The following ZSWIM9 variants were observed in gnomAD, a reference collection of about 807,000 sequenced individuals.
ZSWIM9 encodes uncharacterized protein ZSWIM9.
ZSWIM9 carries 11 observed loss-of-function variants against 25.0 expected under a neutral mutation model. The observed-to-expected ratio is 0.44, with a 90% CI of 0.28 to 0.73. ZSWIM9 has a LOEUF of 0.73. ZSWIM9 is among the 30% of genes least tolerant of loss of function. The pLI, the probability that ZSWIM9 is intolerant of heterozygous loss-of-function variation, is 0.16. For missense variants in ZSWIM9, 1,070 were observed against 1,296.5 expected (o/e 0.83, Z 2.68); for synonymous variants, 562 against 582.1 (o/e 0.97, Z 0.50).
intron 3 of ZSWIM9, among the ~76,000 whole-genome samples, chr19:48,187,993 C>T (rs907527859): frequency 4.2e-4 from 63 of 150,288 alleles, no homozygotes; most frequent in African/African-American, 1.5e-3. Context: ...GATAGACAGA[C>T]AGACAGCAAG....
At chr19:48,192,607 A>G (rs1461843690) in intron 3 of ZSWIM9, among the ~76,000 whole-genome samples, 1 of 149,134 alleles carries the variant, frequency 6.7e-6, no homozygotes, top group Admixed American at 6.8e-5. Context: ...TTTGTTTCCA[A>G]TCATTCCTAA....
intron 3 of ZSWIM9, among the ~76,000 whole-genome samples, chr19:48,186,918 T>C (rs1336163506): frequency 6.6e-6 from 1 of 152,086 alleles, no homozygotes; most frequent in East Asian, 1.9e-4. Context: ...GTCTACAGAA[T>C]AAACCCCCAG....
intron 3 of ZSWIM9, among the ~76,000 whole-genome samples, chr19:48,184,103 T>C (rs1240928296): frequency 2.0e-5 from 3 of 151,960 alleles, no homozygotes; most frequent in Non-Finnish European, 2.9e-5. Flanking sequence ...TGTAATGTGA[T>C]GGAGCGATAA....
Position 48,174,584 on chromosome 19 carries a change from G to A in ZSWIM9, c.275+2507G>A, listed in dbSNP as rs540538294. 4 of 152,296 alleles carry A rather than the reference G, an allele frequency of 2.6e-5. No individual in the cohort carries two copies. The East Asian group carries it at 7.7e-4, about 29-fold the overall frequency. The allele number at this position is 152,296 out of a possible 1,614,324, so 9.4% of individuals were successfully genotyped here. A position where few individuals can be genotyped will look rare whatever the true frequency, so the allele number is the denominator to read the frequency against. On this transcript the variant is annotated intron_variant, in intron 2 of 3. Coordinates refer to ENST00000614654, the MANE Select transcript of ZSWIM9 (RefSeq NM_199341.4). ...ATCTCATAGGTAAATTATTCAGAAA[G>A]GCATCCAGCACAGAGTAAGCACACT...
chr19:48,187,464 T>TA (rs1568579436), intron 3 of ZSWIM9, among the ~76,000 whole-genome samples: 4 of 36,722 alleles, frequency 1.1e-4, no homozygotes, highest in Non-Finnish European at 2.2e-4. Context: ...ATATTAATTA[T>TA]ATATATTATA....
chr19:48,194,616 C>A lies in ZSWIM9; in HGVS notation c.589-37C>A, dbSNP rs1422602144. The A allele has an allele frequency of 7.1e-7, 1 of 1,401,620 alleles. No individual in the cohort carries two copies. Among genetic ancestry groups the A allele is most frequent in the Non-Finnish European group, 9.3e-7 (1 of 1,075,480 alleles). 86.8% of individuals were successfully genotyped at this position (1,401,620 alleles called of 1,614,324 possible). A position where few individuals can be genotyped will look rare whatever the true frequency, so the allele number is the denominator to read the frequency against. ...CTGGGCGGGGAGACCCCAGCATCCT[C>A]TGACCTCTTTCCTTGCCTCCCTGCC... On this transcript the variant is annotated intron_variant, in intron 3 of 3. Coordinates refer to ENST00000614654, the MANE Select transcript of ZSWIM9 (RefSeq NM_199341.4). The surrounding 1 kb of genome is among the most constrained non-coding windows in gnomAD (Gnocchi z 6.0).
chr19:48,172,485 G>T (rs190636322), intron 2 of ZSWIM9, among the ~76,000 whole-genome samples: 1,838 of 151,870 alleles, frequency 0.012, 17 homozygotes, highest in Admixed American at 0.02. Context: ...TTTTTGTGTG[G>T]TTTTTTGTTT....
At chr19:48,171,014 A>C (rs1464303423) in intron 1 of ZSWIM9, among the ~76,000 whole-genome samples, 1 of 152,090 alleles carries the variant, frequency 6.6e-6, no homozygotes, top group East Asian at 1.9e-4. Context: ...GCATCTGAGG[A>C]GGAGGGGACC....
At position 48,196,754 on chromosome 19, in the gene ZSWIM9, G is replaced by T; in HGVS notation, c.2690G>T (p.Arg897Leu). The T allele has an allele frequency of 8.1e-7, 1 of 1,233,510 alleles. No individual in the cohort carries two copies. The highest frequency in any genetic ancestry group is 1.0e-6 in the Non-Finnish European group (1 of 988,920). 76.4% of individuals were successfully genotyped at this position (1,233,510 alleles called of 1,614,324 possible). A position where few individuals can be genotyped will look rare whatever the true frequency, so the allele number is the denominator to read the frequency against. ...RLPCRHLFAA[R>L]LLTGAALFHM... ...CCCTGCAGACACCTCTTTGCAGCGC[G>T]CCTCCTCACTGGGGCTGCCTTATTC... Residue 897 changes from arginine to leucine, a missense_variant, in exon 4 of 4, where the codon CGC becomes CTC. Coordinates refer to ENST00000614654, the MANE Select transcript of ZSWIM9 (RefSeq NM_199341.4).
At chr19:48,190,691 G>A (rs985245115) in intron 3 of ZSWIM9, 2 of 153,962 alleles carry the variant, frequency 1.3e-5, no homozygotes, top group Admixed American at 1.3e-4. Flanking sequence ...TAACCACAGG[G>A]TACTGTTTCA....
intron 2 of ZSWIM9, among the ~76,000 whole-genome samples, chr19:48,174,157 C>T (rs1568573651): frequency 6.6e-6 from 1 of 151,786 alleles, no homozygotes; most frequent in Non-Finnish European, 1.5e-5. Flanking sequence ...GAGTTTGAGA[C>T]CCTTGGTTGG....
Position 48,197,454 on chromosome 19 carries a change from A to C in ZSWIM9, c.*627A>C. The C allele has an allele frequency of 1.7e-6, 1 of 603,898 alleles. No individual in the cohort carries two copies. 37.4% of individuals were successfully genotyped at this position (603,898 alleles called of 1,614,324 possible). ...TGGGAGACGGGTAGAGACGAAATGCAAGGGGCGTGGTTTTGGTTTTTCTCC... is the reference window on the plus strand; with the variant it reads ...TGGGAGACGGGTAGAGACGAAATGCCAGGGGCGTGGTTTTGGTTTTTCTCC... On this transcript the variant is annotated 3_prime_UTR_variant, in exon 4 of 4. Coordinates refer to ENST00000614654, the MANE Select transcript of ZSWIM9 (RefSeq NM_199341.4).
rs113665980 is a variant in ZSWIM9 at position 48,183,320 on chromosome 19, G to A, written c.588+553G>A. 3.3e-5 allele frequency among the ~76,000 whole-genome samples: 5 copies of A among 151,938 alleles called. 1 individual carries two copies. Among genetic ancestry groups the A allele is most frequent in the African/African-American group, 7.2e-5 (3 of 41,438 alleles). On this transcript the variant is annotated intron_variant, in intron 3 of 3. Transcript: ENST00000614654. Reference sequence around the variant, plus strand: ...TTTTTTGTATTTTTAGTAGAGACGGGGTTTCACCATGTTAGCCAGGATGGT... The same window carrying A: ...TTTTTTGTATTTTTAGTAGAGACGGAGTTTCACCATGTTAGCCAGGATGGT...
At chr19:48,171,432 T>G in intron 1 of ZSWIM9, 2 of 974,552 alleles carry the variant, frequency 2.1e-6, no homozygotes, top group Non-Finnish European at 2.4e-6. Context: ...AGGTTTTAGC[T>G]GGAATTTGAG....
Position 48,194,597 on chromosome 19 carries a change from G to C in ZSWIM9, c.589-56G>C, listed in dbSNP as rs1599937056. ...GGAAACCGAGGTCGGGGAGCTGGGC[G>C]GGGAGACCCCAGCATCCTCTGACCT... On this transcript the variant is annotated intron_variant, in intron 3 of 3. Transcript: ENST00000614654. This position sits in a 1 kb window ranked among gnomAD's most constrained non-coding sequence, Gnocchi z 6.0. 7.4e-7 allele frequency: 1 copy of C among 1,351,954 alleles called. No individual in the cohort carries two copies. Among genetic ancestry groups the C allele is most frequent in the Non-Finnish European group, 9.5e-7 (1 of 1,050,084 alleles). 83.7% of individuals were successfully genotyped at this position (1,351,954 alleles called of 1,614,324 possible).
chr19:48,185,375 T>C (rs2036998685), intron 3 of ZSWIM9, among the ~76,000 whole-genome samples: 1 of 152,088 alleles, frequency 6.6e-6, no homozygotes, highest in Non-Finnish European at 1.5e-5. Flanking sequence ...CCTCAGGTGA[T>C]CCCCCCGCCT....
In ZSWIM9 at chr19:48,197,532, G is replaced by C; in HGVS notation, c.*705G>C. 2 of 508,064 alleles carry C rather than the reference G, an allele frequency of 3.9e-6. No homozygotes were observed. Among genetic ancestry groups the C allele is most frequent in the Non-Finnish European group, 7.1e-6 (2 of 283,330 alleles). The allele number at this position is 508,064 out of a possible 1,614,324, so 31.5% of individuals were successfully genotyped here. A position where few individuals can be genotyped will look rare whatever the true frequency, so the allele number is the denominator to read the frequency against. On this transcript the variant is annotated 3_prime_UTR_variant, in exon 4 of 4. Transcript: ENST00000614654. The stretch of plus-strand genomic sequence containing the variant: ...CCTTCTGAAGAGAGAGGGAGGGCGG[G>C]CACTGGGGGTCAGGAGAGTCTCCAG...
rs916974521 is a variant in ZSWIM9, at chr19:48,182,898, T to C, written c.588+131T>C. 62 of 722,326 alleles carry C rather than the reference T, an allele frequency of 8.6e-5. No homozygotes were observed. The African/African-American group carries it at 1.0e-3, about 12-fold the overall frequency. 44.7% of individuals were successfully genotyped at this position (722,326 alleles called of 1,614,324 possible). ...TTCCTCCATTCATCCGTTCATTCAT[T>C]CAATAAGTACTTACCGAGGCATTGG... is the stretch of plus-strand genomic sequence containing the variant. On this transcript the variant is annotated intron_variant, in intron 3 of 3. Coordinates refer to ENST00000614654, the MANE Select transcript of ZSWIM9 (RefSeq NM_199341.4). The surrounding 1 kb of genome is among the most constrained non-coding windows in gnomAD (Gnocchi z 4.6).
Position 48,182,483 on chromosome 19 carries a change from AT to A in ZSWIM9, c.305del (p.Ile102ThrfsTer5). 1 of 1,535,012 alleles carries A rather than the reference AT, an allele frequency of 6.5e-7. No individual in the cohort carries two copies. Among genetic ancestry groups the A allele is most frequent in the Non-Finnish European group, 8.7e-7 (1 of 1,146,350 alleles). On this transcript the variant is annotated frameshift_variant, in exon 3 of 4. Coordinates refer to ENST00000614654, the MANE Select transcript of ZSWIM9 (RefSeq NM_199341.4). LOFTEE classifies it high-confidence loss of function. The surrounding 1 kb of genome is among the most constrained non-coding windows in gnomAD (Gnocchi z 4.6). ...GPPQPGCPAF[I>X]IVKLSPLRDR... The stretch of plus-strand genomic sequence containing the variant: ...TCCCCAGCCCGGCTGCCCCGCCTTC[AT>A]CATCGTCAAGCTGAGCCCGCTGCGG...
Sources: gnomAD v4.1 joint callset for allele counts (sites outside exome capture counted in the v4.1 genomes callset) on GRCh38, gnomAD v4.1.1 for gene constraint, Gnocchi (gnomAD v3.1) non-coding constraint, MANE v1.5 for transcripts, NCBI Gene and HGNC (gene_info 2026-07-23, HGNC 2026-07-21) for gene names.